NCKAP5: variants seen among roughly 807,000 people sequenced by gnomAD.
NCKAP5 encodes the protein NCK associated protein 5.
Under a neutral mutation model 167.0 loss-of-function variants are expected in NCKAP5, and 92 were observed. That is an observed-to-expected ratio of 0.55 (90% CI 0.47 to 0.66). The LOEUF is 0.66. NCKAP5 is among the 30% of genes least tolerant of loss of function. The probability of loss-of-function intolerance (pLI) is 0.00; values close to 1 mark genes in which losing one functional copy is unlikely to be tolerated. For synonymous variants in NCKAP5, 891 were observed against 877.4 expected (o/e 1.02, Z -0.27); for missense variants, 2,378 against 2,315.0 (o/e 1.03, Z -0.56).
chr2:133,384,724 T>G (rs557699209), intron 3 of NCKAP5, among the ~76,000 whole-genome samples: 1 of 152,224 alleles, frequency 6.6e-6, no homozygotes, highest in Non-Finnish European at 1.5e-5. Flanking sequence ...TGTCCTCTTT[T>G]ATTTCATTGA....
intron 16 of NCKAP5, among the ~76,000 whole-genome samples, chr2:132,737,360 A>G (rs1691623811): frequency 6.6e-6 from 1 of 152,188 alleles, no homozygotes; most frequent in African/African-American, 2.4e-5. Context: ...AAGCAAATAC[A>G]GGACTTTCTA....
At chr2:133,549,921 A>G (rs1292428575) in intron 2 of NCKAP5, among the ~76,000 whole-genome samples, 1 of 141,092 alleles carries the variant, frequency 7.1e-6, no homozygotes, top group Non-Finnish European at 1.5e-5. Context: ...GGATATCACC[A>G]CCGATCCCAC....
At chr2:132,809,391 G>A (rs935198591) in intron 11 of NCKAP5, among the ~76,000 whole-genome samples, 5 of 152,170 alleles carry the variant, frequency 3.3e-5, no homozygotes, top group East Asian at 3.9e-4. Flanking sequence ...CTATTATTGG[G>A]TTGCCGTCCA....
chr2:133,569,800 T>G (rs1361655269), upstream of NCKAP5, among the ~76,000 whole-genome samples: 1 of 152,142 alleles, frequency 6.6e-6, no homozygotes, highest in Non-Finnish European at 1.5e-5. Context: ...ATATGCTACT[T>G]TCATGTGGGA....
At chr2:133,308,286 C>T (rs1488501108) in intron 3 of NCKAP5, among the ~76,000 whole-genome samples, 1 of 151,582 alleles carries the variant, frequency 6.6e-6, no homozygotes, top group African/African-American at 2.4e-5. Flanking sequence ...GACGGGGTTT[C>T]ACCATTTTAG....
intron 16 of NCKAP5, among the ~76,000 whole-genome samples, chr2:132,765,553 C>A (rs1681396032): frequency 6.8e-6 from 1 of 146,074 alleles, no homozygotes; most frequent in Non-Finnish European, 1.5e-5. Context: ...GACCTTGTGA[C>A]CTGCCCGCCT....
At chr2:133,671,132 G>A in the NCKAP5 span, among the ~76,000 whole-genome samples, 5 of 145,784 alleles carry the variant, frequency 3.4e-5, no homozygotes, top group South Asian at 2.1e-4. Context: ...GGGGAATGGC[G>A]AGAACCCAGG....
At chr2:132,963,967 T>A in intron 7 of NCKAP5, 98 bp from the exon 8 acceptor site, 3 of 1,363,942 alleles carry the variant, frequency 2.2e-6, no homozygotes, top group Non-Finnish European at 3.1e-6. Context: ...TGCGTGTGCA[T>A]TCTTCCGGGG....
intron 5 of NCKAP5, among the ~76,000 whole-genome samples, chr2:133,156,991 T>C (rs1382709003): frequency 2.6e-5 from 4 of 152,184 alleles, no homozygotes; most frequent in Non-Finnish European, 1.5e-5. Context: ...TTTCCAACTC[T>C]GTATCATACT....
At chr2:133,032,748 G>T (rs1166941181) in intron 6 of NCKAP5, among the ~76,000 whole-genome samples, 1 of 152,174 alleles carries the variant, frequency 6.6e-6, no homozygotes, top group Non-Finnish European at 1.5e-5. Context: ...TATGAAGAAA[G>T]GAGGTTTAAT....
chr2:133,603,309 C>A, the NCKAP5 span, among the ~76,000 whole-genome samples: 1 of 150,342 alleles, frequency 6.7e-6, no homozygotes, highest in Non-Finnish European at 1.5e-5. Context: ...TCACTGCAAC[C>A]TCTGCCTCCC....
At chr2:133,024,966 T>C (rs2078646298) in intron 6 of NCKAP5, among the ~76,000 whole-genome samples, 1 of 152,214 alleles carries the variant, frequency 6.6e-6, no homozygotes. Flanking sequence ...AATATGATGA[T>C]GGATCTGAAA....
intron 6 of NCKAP5, among the ~76,000 whole-genome samples, chr2:133,054,284 A>C (rs973917022): frequency 6.6e-6 from 1 of 152,118 alleles, no homozygotes; most frequent in Admixed American, 6.6e-5. Context: ...TTACCTCCCC[A>C]CCCCAGTAGG....
At chr2:132,799,268 G>A (rs1461534069) in intron 11 of NCKAP5, among the ~76,000 whole-genome samples, 1 of 151,762 alleles carries the variant, frequency 6.6e-6, no homozygotes, top group Non-Finnish European at 1.5e-5. Flanking sequence ...AAAGAAAGGG[G>A]GGAATGGGTT....
chr2:133,386,796 A>G (rs913510069), intron 3 of NCKAP5, among the ~76,000 whole-genome samples: 3 of 152,126 alleles, frequency 2.0e-5, no homozygotes, highest in African/African-American at 7.2e-5. Context: ...CTTTACCATT[A>G]TGTAATGGCC....
At position 132,728,903 on chromosome 2, in the gene NCKAP5, T is replaced by A; in HGVS notation, c.5493A>T (p.Thr1831=). The part of the protein sequence containing the change: ...KQNEAEPRPQ[T]CSSFGYAEDP... ...CTTCAGCATATCCGAATGATGAGCA[T>A]GTCTGAGGCCTTGGCTCTGCTTCAT... Residue 1831 remains threonine (T), a synonymous_variant, in exon 18 of 20, where the codon ACA becomes ACT. Transcript: ENST00000409261. 1 of 1,614,014 alleles carries A rather than the reference T, an allele frequency of 6.2e-7. No individual in the cohort carries two copies. The highest frequency in any genetic ancestry group is 1.3e-5 in the African/African-American group (1 of 75,040).
chr2:133,207,013 C>A (rs151231924), intron 5 of NCKAP5, among the ~76,000 whole-genome samples: 6,381 of 152,156 alleles, frequency 0.042, 421 homozygotes, highest in African/African-American at 0.14. Flanking sequence ...AGATGTTTAT[C>A]AAGACAATGC....
chr2:132,921,722 G>A (rs1695446619), intron 8 of NCKAP5, among the ~76,000 whole-genome samples: 1 of 152,132 alleles, frequency 6.6e-6, no homozygotes, highest in South Asian at 2.1e-4. Context: ...CTTTGGGAAA[G>A]AGTATCTTGA....
intron 6 of NCKAP5, among the ~76,000 whole-genome samples, chr2:132,999,114 C>T (rs1200587377): frequency 8.0e-6 from 1 of 124,930 alleles, no homozygotes; most frequent in Non-Finnish European, 1.9e-5. Flanking sequence ...AGGAAACAAA[C>T]TAAATACATA....
Sources: allele counts gnomAD v4.1 joint callset (sites outside exome capture counted in the v4.1 genomes callset), GRCh38; gene constraint gnomAD v4.1.1; transcripts MANE v1.5; gene names NCBI Gene and HGNC (gene_info 2026-07-23, HGNC 2026-07-21).